The following STAT3 variants were observed in gnomAD, a reference collection of about 807,000 sequenced individuals.
STAT3 encodes the protein DNA-binding protein APRF.
STAT3 carries 7 observed loss-of-function variants against 114.3 expected under a neutral mutation model. The ratio of observed to expected loss-of-function variants is 0.06; its 90% CI spans 0.03 to 0.11. STAT3 has a LOEUF of 0.11. STAT3 is among the 10% of genes least tolerant of loss of function. The pLI, the probability that STAT3 is intolerant of heterozygous loss-of-function variation, is 1.00. For missense variants in STAT3, 364 were observed against 960.9 expected (o/e 0.38, Z 8.21); for synonymous variants, 331 against 354.5 (o/e 0.93, Z 0.74).
chr17:42,347,304 G>T (rs2145002060), intron 2 of STAT3, among the ~76,000 whole-genome samples: 1 of 151,542 alleles, frequency 6.6e-6, no homozygotes, highest in Admixed American at 6.6e-5. Flanking sequence ...ATGCTGTTTT[G>T]CTTTAAACCC....
chr17:42,385,907 C>T (rs957127896), intron 1 of STAT3, among the ~76,000 whole-genome samples: 1 of 152,070 alleles, frequency 6.6e-6, no homozygotes, highest in Non-Finnish European at 1.5e-5. Context: ...TTTCTTTTTT[C>T]ACCTGTTTAT....
rs201833309 is a variant in STAT3 at position 42,329,650 on chromosome 17, G to A, written c.1140-3C>T. On this transcript the variant is annotated splice_polypyrimidine_tract_variant and splice_region_variant and intron_variant, in intron 12 of 23. Coordinates refer to ENST00000264657, the MANE Select transcript of STAT3 (RefSeq NM_139276.3). ...CCAGAATGTTAAATTTCCGGGATCT[G>A]AATCACAGGGGAACAATCAACTATG... is the stretch of plus-strand genomic sequence containing the variant. The A allele has an allele frequency of 5.0e-6, 8 of 1,614,190 alleles. No homozygotes were observed. Among genetic ancestry groups the A allele is most frequent in the Non-Finnish European group, 6.8e-6 (8 of 1,180,022 alleles).
chr17:42,359,215 G>A (rs898170322), intron 1 of STAT3, among the ~76,000 whole-genome samples: 8 of 152,072 alleles, frequency 5.3e-5, no homozygotes, highest in Non-Finnish European at 7.4e-5. Context: ...GATTACAGGC[G>A]TAAAGCCACC....
At chr17:42,371,171 G>C (rs1277704175) in intron 1 of STAT3, among the ~76,000 whole-genome samples, 2 of 152,118 alleles carry the variant, frequency 1.3e-5, no homozygotes, top group Non-Finnish European at 2.9e-5. Context: ...TTATTTAGAT[G>C]GGGAAGTCAG....
At chr17:42,348,359 A>G (rs1385183613) in intron 2 of STAT3, 30 bp downstream of exon 2, 1 of 1,613,906 alleles carries the variant, frequency 6.2e-7, no homozygotes. Flanking sequence ...GAAACCTAAC[A>G]ATTTGGAGAG....
In STAT3 at chr17:42,314,309, T is replaced by A. The variant is rs1260551465; in HGVS notation, c.*1436A>T. 4.3e-6 allele frequency: 1 copy of A among 233,304 alleles called. No individual in the cohort carries two copies. The highest frequency in any genetic ancestry group is 8.5e-6 in the Non-Finnish European group (1 of 117,914). 14.5% of individuals were successfully genotyped at this position (233,304 alleles called of 1,614,324 possible). Reference sequence around the variant, plus strand: ...TGGCTAAGAACCATATTCCCTGAGCTCAACCAGACACGTCGCTGGGGCCCC... The same window carrying A: ...TGGCTAAGAACCATATTCCCTGAGCACAACCAGACACGTCGCTGGGGCCCC... On this transcript the variant is annotated 3_prime_UTR_variant, in exon 24 of 24. Coordinates refer to ENST00000264657, the MANE Select transcript of STAT3 (RefSeq NM_139276.3).
At position 42,345,875 on chromosome 17, in the gene STAT3, C is replaced by CTT. The variant is rs370434509; in HGVS notation, c.274-220_274-219dup. ...TAACAGAAGGCACATTAGCCTGAGT[C>CTT]TTTTTTTTTTTTTTTTGAGACTGGC... On this transcript the variant is annotated intron_variant, in intron 3 of 23. Transcript: ENST00000264657. Among the ~76,000 whole-genome samples the CTT allele has an allele frequency of 0.24, 31,540 of 132,748 alleles. 4,366 individuals are homozygous for CTT. The highest frequency in any genetic ancestry group is 0.37 in the East Asian group (1,703 of 4,550). 87.1% of individuals were successfully genotyped at this position (132,748 alleles called of 152,430 possible).
rs140846959 is a variant in STAT3 at position 42,338,841 on chromosome 17, GAAGTA to G, written c.469-34_469-30del. ...TTTAAAATAAGCAAACAAAAAAACA[GAAGTA>G]AAGAAAGATTTCCTTGGGAACAGAA... On this transcript the variant is annotated intron_variant, in intron 5 of 23. Coordinates refer to ENST00000264657, the MANE Select transcript of STAT3 (RefSeq NM_139276.3). 1.6e-3 allele frequency: 2,509 copies of G among 1,567,376 alleles called. 40 individuals are homozygous for G. The African/African-American group carries it at 0.03, about 19-fold the overall frequency.
At chr17:42,327,780 G>A (rs1312511302) in intron 14 of STAT3, among the ~76,000 whole-genome samples, 2 of 152,184 alleles carry the variant, frequency 1.3e-5, no homozygotes, top group East Asian at 1.9e-4. Context: ...GGGCACAGCG[G>A]CTCATGCCTG....
intron 1 of STAT3, chr17:42,374,269 T>C (rs1362992439): frequency 1.3e-5 from 2 of 152,182 alleles, no homozygotes; most frequent in African/African-American, 4.8e-5. Context: ...CCAGTTTGTG[T>C]TGGGGATAGC....
chr17:42,317,388 T>C, intron 21 of STAT3, 164 bp from the exon 22 acceptor site: 3 of 770,166 alleles, frequency 3.9e-6, no homozygotes, highest in Non-Finnish European at 4.4e-6. Context: ...TCTGCCCTCA[T>C]TTATACTATT....
intron 8 of STAT3, among the ~76,000 whole-genome samples, chr17:42,336,858 G>A (rs950553649): frequency 6.6e-5 from 10 of 151,756 alleles, no homozygotes; most frequent in African/African-American, 1.9e-4. Context: ...TTGTCTATCT[G>A]TTAAATACAG....
chr17:42,315,409 C>CA lies in STAT3; in HGVS notation c.*335dup, dbSNP rs955861995. 4 of 472,202 alleles carry CA rather than the reference C, an allele frequency of 8.5e-6. No individual in the cohort carries two copies. Among genetic ancestry groups the CA allele is most frequent in the African/African-American group, 7.7e-5 (4 of 51,614 alleles). 29.3% of individuals were successfully genotyped at this position (472,202 alleles called of 1,614,324 possible). A position where few individuals can be genotyped will look rare whatever the true frequency, so the allele number is the denominator to read the frequency against. ...TGTCTAAGAACAACAACAACAATAA[C>CA]AAAAAGCTGCTGAGAAAGGAGGGCA... On this transcript the variant is annotated 3_prime_UTR_variant, in exon 24 of 24. Transcript: ENST00000264657.
At chr17:42,345,701 T>G in intron 3 of STAT3, 44 bp from the exon 4 acceptor site, 1 of 1,516,460 alleles carries the variant, frequency 6.6e-7, no homozygotes, top group Non-Finnish European at 9.0e-7. Flanking sequence ...CAGCAGACCA[T>G]GGAGATGTGG....
At chr17:42,347,890 T>C (rs900043975) in intron 2 of STAT3, among the ~76,000 whole-genome samples, 4 of 152,334 alleles carry the variant, frequency 2.6e-5, no homozygotes, top group Middle Eastern at 3.4e-3. Context: ...GCTTCCTATA[T>C]AGCCTGCAGA....
intron 4 of STAT3, 143 bp downstream of exon 4, chr17:42,345,416 G>T: frequency 1.4e-6 from 1 of 734,474 alleles, no homozygotes; most frequent in Non-Finnish European, 2.2e-6. Flanking sequence ...TTTTTTTAGA[G>T]TTTTTCAATG....
chr17:42,357,969 T>G (rs2083307703), intron 1 of STAT3, among the ~76,000 whole-genome samples: 1 of 152,170 alleles, frequency 6.6e-6, no homozygotes, highest in Admixed American at 6.5e-5. Flanking sequence ...CTGAAACAAA[T>G]TACTATAATT....
At chr17:42,384,229 C>G (rs1337721330) in intron 1 of STAT3, among the ~76,000 whole-genome samples, 2 of 150,802 alleles carry the variant, frequency 1.3e-5, no homozygotes, top group African/African-American at 4.9e-5. Flanking sequence ...CCCGAGTTCA[C>G]GCTCTTCTCC....
Position 42,337,961 on chromosome 17 carries a change from G to T in STAT3, c.551-104C>A, listed in dbSNP as rs71377275. ...CTCCTGGACCTGAGGGAATACTCCT[G>T]GACCTGAGGGAATACTCCTGGACCT... On this transcript the variant is annotated intron_variant, in intron 6 of 23. Transcript: ENST00000264657. This position sits in a 1 kb window ranked among gnomAD's most constrained non-coding sequence, Gnocchi z 4.0. The T allele has an allele frequency of 1.9e-4, 101 of 534,678 alleles. 1 individual carries two copies. Among genetic ancestry groups the T allele is most frequent in the Admixed American group, 3.7e-4 (13 of 34,926 alleles). The allele number at this position is 534,678 out of a possible 1,614,324, so 33.1% of individuals were successfully genotyped here.
Sources: allele counts gnomAD v4.1 joint callset (sites outside exome capture counted in the v4.1 genomes callset), GRCh38; gene constraint gnomAD v4.1.1; non-coding constraint Gnocchi (gnomAD v3.1); transcripts MANE v1.5; gene names NCBI Gene and HGNC (gene_info 2026-07-23, HGNC 2026-07-21).